Variants in UBXN7 observed in about 807,000 individuals in gnomAD.
UBXN7 encodes UBX domain-containing protein 7.
UBXN7 carries 9 observed loss-of-function variants against 58.0 expected under a neutral mutation model. The observed-to-expected ratio is 0.16, with a 90% CI of 0.09 to 0.27. The LOEUF is 0.27. Among genes scored for constraint, UBXN7 ranks in the 10% least tolerant of loss-of-function variants. UBXN7 has a pLI of 1.00. For missense variants in UBXN7, 328 were observed against 599.6 expected, an observed-to-expected ratio of 0.55 and a Z score of 4.73; for synonymous variants, 208 against 205.0, an observed-to-expected ratio of 1.01 and a Z score of -0.12.
chr3:196,386,771 A>C (rs1449255952), intron 5 of UBXN7, among the ~76,000 whole-genome samples: 1 of 152,186 alleles, frequency 6.6e-6, no homozygotes, highest in Non-Finnish European at 1.5e-5. Flanking sequence ...CAATACCTGA[A>C]AATGGCCATA....
intron 3 of UBXN7, among the ~76,000 whole-genome samples, chr3:196,401,178 G>A (rs1407490427): frequency 9.0e-5 from 13 of 144,698 alleles, no homozygotes; most frequent in Non-Finnish European, 1.7e-4. Context: ...TTGGGAGGCC[G>A]AGGCGGGCGG....
chr3:196,409,842 AGT>A lies in UBXN7; in HGVS notation c.74-2451_74-2450del, dbSNP rs200755151. 3.6e-3 allele frequency among the ~76,000 whole-genome samples: 548 copies of A among 152,190 alleles called. 19 individuals are homozygous for A. The South Asian group carries it at 0.074, about 21-fold the overall frequency. The stretch of plus-strand genomic sequence containing the variant: ...CCAAAAGGGAAGTTCAAAGCCATCC[AGT>A]GTGGACAGATTCCACCAGACCTGCT... On this transcript the variant is annotated intron_variant, in intron 1 of 10. Coordinates refer to ENST00000296328, the MANE Select transcript of UBXN7 (RefSeq NM_015562.2).
rs79695427 is a variant in UBXN7 at position 196,417,044 on chromosome 3, C to T, written c.74-9651G>A. ...AAAATAAATGTACACACAGGCGCGGCGGCTCACGCCTGTAATCCCAGAACT... is the reference window on the plus strand; with the variant it reads ...AAAATAAATGTACACACAGGCGCGGTGGCTCACGCCTGTAATCCCAGAACT... On this transcript the variant is annotated intron_variant, in intron 1 of 10. Coordinates refer to ENST00000296328, the MANE Select transcript of UBXN7 (RefSeq NM_015562.2). Among the ~76,000 whole-genome samples, 1,416 of 152,222 alleles carry T rather than the reference C, an allele frequency of 9.3e-3. 47 individuals carry two copies. The East Asian group carries it at 0.11, about 12-fold the overall frequency.
At chr3:196,365,153 T>C (rs1236981308) in intron 8 of UBXN7, among the ~76,000 whole-genome samples, 2 of 151,508 alleles carry the variant, frequency 1.3e-5, no homozygotes, top group Admixed American at 6.6e-5. Flanking sequence ...GAAAATAGTA[T>C]TGAGCAATAG....
At chr3:196,375,485 T>G (rs1260522121) in intron 5 of UBXN7, among the ~76,000 whole-genome samples, 4 of 151,972 alleles carry the variant, frequency 2.6e-5, no homozygotes, top group Non-Finnish European at 5.9e-5. Context: ...ATATGCAATT[T>G]AAAAAGAGAG....
intron 10 of UBXN7, among the ~76,000 whole-genome samples, 173 bp downstream of exon 10, chr3:196,361,671 C>T (rs1009006126): frequency 6.6e-5 from 10 of 152,118 alleles, no homozygotes; most frequent in Non-Finnish European, 1.0e-4. Context: ...CACTTTTTAG[C>T]AAAAGCTTTT....
rs149368071 is a variant in UBXN7, at chr3:196,352,201, C to T, written c.*4484G>A. ...ACATTTACATGCTCTCCAATTATTT[C>T]ATGTGTAGTGTGTCTCTCTAACTGG... is the stretch of plus-strand genomic sequence containing the variant. On this transcript the variant is annotated 3_prime_UTR_variant, in exon 11 of 11. Coordinates refer to ENST00000296328, the MANE Select transcript of UBXN7 (RefSeq NM_015562.2). This position sits in a 1 kb window ranked among gnomAD's most constrained non-coding sequence, Gnocchi z 4.1. 3.3e-5 allele frequency: 5 copies of T among 152,300 alleles called. No homozygotes were observed. The highest frequency in any genetic ancestry group is 1.3e-4 in the Admixed American group (2 of 15,286). 9.4% of individuals were successfully genotyped at this position (152,300 alleles called of 1,614,324 possible).
At chr3:196,380,828 C>T (rs546376830) in intron 5 of UBXN7, among the ~76,000 whole-genome samples, 2 of 152,264 alleles carry the variant, frequency 1.3e-5, no homozygotes, top group Non-Finnish European at 2.9e-5. Context: ...AGGTGATTCT[C>T]TCTCGTACCT....
chr3:196,390,090 G>A (rs1036330970), intron 5 of UBXN7, among the ~76,000 whole-genome samples: 2 of 151,964 alleles, frequency 1.3e-5, no homozygotes, highest in Non-Finnish European at 2.9e-5. Flanking sequence ...GTGGTAGTGG[G>A]TGTCTGTAGC....
chr3:196,388,040 A>C (rs900637123), intron 5 of UBXN7, among the ~76,000 whole-genome samples: 4 of 152,044 alleles, frequency 2.6e-5, no homozygotes, highest in African/African-American at 9.7e-5. Flanking sequence ...CTTGGAACCA[A>C]CCCAAATGTC....
At chr3:196,410,861 C>A (rs956488603) in intron 1 of UBXN7, among the ~76,000 whole-genome samples, 1 of 151,988 alleles carries the variant, frequency 6.6e-6, no homozygotes, top group South Asian at 2.1e-4. Context: ...CTTCTGCTGC[C>A]TGCAGTATAA....
At chr3:196,392,638 A>C (rs1173051091) in intron 4 of UBXN7, among the ~76,000 whole-genome samples, 2 of 151,968 alleles carry the variant, frequency 1.3e-5, no homozygotes. Flanking sequence ...CCTCATCTCT[A>C]CTAAAAATAC....
intron 1 of UBXN7, among the ~76,000 whole-genome samples, chr3:196,409,087 T>C (rs562121561): frequency 5.9e-5 from 9 of 152,128 alleles, no homozygotes; most frequent in Non-Finnish European, 1.0e-4. Flanking sequence ...CATATGCATA[T>C]TGTCTCTTTG....
chr3:196,396,054 C>G (rs1246805727), intron 3 of UBXN7, among the ~76,000 whole-genome samples: 1 of 152,172 alleles, frequency 6.6e-6, no homozygotes, highest in Non-Finnish European at 1.5e-5. Flanking sequence ...GAGTGAGCTA[C>G]TGAGCCTGGC....
At chr3:196,431,004 C>A (rs1206402706) in intron 1 of UBXN7, among the ~76,000 whole-genome samples, 1 of 152,060 alleles carries the variant, frequency 6.6e-6, no homozygotes, top group African/African-American at 2.4e-5. Flanking sequence ...TGTTCCATGC[C>A]CACAAGCTAG....
intron 5 of UBXN7, among the ~76,000 whole-genome samples, chr3:196,375,544 A>G (rs1013966078): frequency 2.0e-5 from 3 of 152,220 alleles, no homozygotes; most frequent in Admixed American, 6.5e-5. Flanking sequence ...CAAGGACTGG[A>G]GGTGAGAGTG....
At chr3:196,374,332 T>G (rs1728927536) in intron 5 of UBXN7, among the ~76,000 whole-genome samples, 1 of 152,194 alleles carries the variant, frequency 6.6e-6, no homozygotes, top group Non-Finnish European at 1.5e-5. Flanking sequence ...TATCTCAGAT[T>G]TATTCATTCA....
Position 196,392,506 on chromosome 3 carries a change from CAA to C in UBXN7, c.356-583_356-582del, listed in dbSNP as rs889025547. On this transcript the variant is annotated intron_variant, in intron 4 of 10. Transcript: ENST00000296328. ...GGCAACAGAGTGTGAGACTCCATCT[CAA>C]AAAAAAAAAATTAGCCAGGTGTAGT... is the stretch of plus-strand genomic sequence containing the variant. Among the ~76,000 whole-genome samples the C allele has an allele frequency of 2.3e-3, 317 of 138,278 alleles. 3 individuals carry two copies. The highest frequency in any genetic ancestry group is 8.2e-3 in the African/African-American group (307 of 37,568). 90.7% of individuals were successfully genotyped at this position (138,278 alleles called of 152,430 possible).
In UBXN7 at chr3:196,384,629, T is replaced by G. The variant is rs78121873; in HGVS notation, c.468+7184A>C. Among the ~76,000 whole-genome samples the G allele has an allele frequency of 8.4e-3, 1,273 of 152,306 alleles. 18 individuals carry two copies. The highest frequency in any genetic ancestry group is 0.029 in the African/African-American group (1,207 of 41,564). On this transcript the variant is annotated intron_variant, in intron 5 of 10. Coordinates refer to ENST00000296328, the MANE Select transcript of UBXN7 (RefSeq NM_015562.2). ...GATCAAGTCGGCTTCATCCCTGGGA[T>G]GCAAGGTTGGTTCAACATATGCAAA...
Sources: gnomAD v4.1 joint callset for allele counts (sites outside exome capture counted in the v4.1 genomes callset) on GRCh38, gnomAD v4.1.1 for gene constraint, Gnocchi (gnomAD v3.1) non-coding constraint, MANE v1.5 for transcripts, NCBI Gene and HGNC (gene_info 2026-07-23, HGNC 2026-07-21) for gene names.